The following DDX60 variants were observed in gnomAD, a reference collection of about 807,000 sequenced individuals.
DDX60 encodes DExD/H-box helicase 60.
DDX60 carries 165 observed loss-of-function variants against 212.8 expected under a neutral mutation model. That is an observed-to-expected ratio of 0.78 (90% CI 0.68 to 0.88). The LOEUF (loss-of-function observed/expected upper bound fraction) is 0.88. Ranked by LOEUF, DDX60 falls within the 40% of genes least tolerant of loss-of-function variation. The pLI is 0.00. For synonymous variants in DDX60, 703 were observed against 685.3 expected, an observed-to-expected ratio of 1.03 and a Z score of -0.40; for missense variants, 1,905 against 2,003.9, an observed-to-expected ratio of 0.95 and a Z score of 0.94.
At chr4:168,304,194 A>G (rs557814026) in intron 5 of DDX60, among the ~76,000 whole-genome samples, 2 of 152,304 alleles carry the variant, frequency 1.3e-5, no homozygotes, top group Non-Finnish European at 2.9e-5. Flanking sequence ...AGAAGAAGGC[A>G]TTGTTATCAT....
intron 28 of DDX60, among the ~76,000 whole-genome samples, chr4:168,250,191 A>G (rs1734165624): frequency 6.6e-6 from 1 of 152,182 alleles, no homozygotes; most frequent in Non-Finnish European, 1.5e-5. Context: ...GATATATTTC[A>G]TGGTAGAAAA....
At chr4:168,308,864 GAA>G (rs1209364209) in intron 3 of DDX60, among the ~76,000 whole-genome samples, 2 of 151,682 alleles carry the variant, frequency 1.3e-5, no homozygotes, top group Non-Finnish European at 2.9e-5. Context: ...CTACAAATAT[GAA>G]AAAAATTTTA....
In DDX60 at chr4:168,311,142, G is replaced by C. The variant is rs759734827; in HGVS notation, c.5-75C>G. On this transcript the variant is annotated intron_variant, in intron 2 of 37. Coordinates refer to ENST00000393743, the MANE Select transcript of DDX60 (RefSeq NM_017631.6). ...TCCTTTTTACAGGAGCTATCATTTA[G>C]TTATTATTCAAGAAAGTAAAACAGT... The C allele has an allele frequency of 7.7e-6, 11 of 1,423,998 alleles. No homozygotes were observed. The Middle Eastern group carries it at 7.3e-4, about 95-fold the overall frequency. 88.2% of individuals were successfully genotyped at this position (1,423,998 alleles called of 1,614,324 possible).
intron 8 of DDX60, among the ~76,000 whole-genome samples, chr4:168,291,498 T>A (rs757030995): frequency 5.9e-5 from 9 of 152,336 alleles, no homozygotes; most frequent in Non-Finnish European, 1.0e-4. Flanking sequence ...CACAAAAACC[T>A]GACCTTGGCA....
chr4:168,286,573 C>T (rs1388692511), intron 10 of DDX60, among the ~76,000 whole-genome samples: 1 of 152,032 alleles, frequency 6.6e-6, no homozygotes, highest in African/African-American at 2.4e-5. Flanking sequence ...TCCTAGTGCT[C>T]CCTGTGCCTG....
At chr4:168,239,231 A>T (rs1169412495) in intron 30 of DDX60, among the ~76,000 whole-genome samples, 2 of 152,160 alleles carry the variant, frequency 1.3e-5, no homozygotes, top group African/African-American at 2.4e-5. Flanking sequence ...ATATAAAAAC[A>T]TGATAGAGAT....
intron 33 of DDX60, among the ~76,000 whole-genome samples, chr4:168,228,962 T>C (rs1733352989): frequency 6.6e-6 from 1 of 152,096 alleles, no homozygotes; most frequent in Admixed American, 6.6e-5. Flanking sequence ...ATTAAAAATA[T>C]TGTTCCATTG....
At position 168,280,364 on chromosome 4, in the gene DDX60, G is replaced by T. The variant is rs759688796; in HGVS notation, c.1949C>A (p.Ala650Asp). 1.3e-5 allele frequency: 21 copies of T among 1,613,158 alleles called. No individual in the cohort carries two copies. Among genetic ancestry groups the T allele is most frequent in the Non-Finnish European group, 1.7e-5 (20 of 1,179,762 alleles). ...TTCACTTCGGCAATGTTCTTTCCAG[G>T]CTTTCAAGCAAGCAGTTAACCCCAC... is the stretch of plus-strand genomic sequence containing the variant. ...EMVGLTACLK[A>D]WKEHCRSEEG... The change falls in exon 14 of 38, where the codon GCC (alanine) becomes GAC (aspartate). Residue 650 changes from alanine (A) to aspartate (D), a missense_variant. Coordinates refer to ENST00000393743, the MANE Select transcript of DDX60 (RefSeq NM_017631.6).
At chr4:168,256,466 C>G (rs542909693) in intron 25 of DDX60, among the ~76,000 whole-genome samples, 1 of 152,212 alleles carries the variant, frequency 6.6e-6, no homozygotes, top group South Asian at 2.1e-4. Flanking sequence ...ATCCATACTT[C>G]CTGGCACCCT....
intron 8 of DDX60, 41 bp from the exon 9 acceptor site, chr4:168,288,356 T>C (rs781445551): frequency 5.2e-6 from 7 of 1,351,814 alleles, no homozygotes; most frequent in Non-Finnish European, 7.2e-6. Context: ...GCAATATTCA[T>C]ATTAGCAATA....
In DDX60 at chr4:168,251,121, A is replaced by G. The variant is rs1301421534; in HGVS notation, c.3706-15T>C. The G allele has an allele frequency of 6.3e-7, 1 of 1,591,142 alleles. No individual in the cohort carries two copies. The highest frequency in any genetic ancestry group is 1.4e-5 in the African/African-American group (1 of 73,616). On this transcript the variant is annotated splice_polypyrimidine_tract_variant and intron_variant, in intron 27 of 37. Coordinates refer to ENST00000393743, the MANE Select transcript of DDX60 (RefSeq NM_017631.6). ...TTCTGCAAAGTCTAAAAGAAGCAAG[A>G]CATTTAGGGATTATGATTTAATTTT...
intron 1 of DDX60, among the ~76,000 whole-genome samples, chr4:168,317,422 A>C (rs914300743): frequency 3.3e-5 from 5 of 152,110 alleles, no homozygotes; most frequent in African/African-American, 9.7e-5. Flanking sequence ...AGAAATGGAA[A>C]AGAGAAAAAA....
In DDX60 at chr4:168,272,142, C is replaced by G; in HGVS notation, c.2575-4G>C. 2 of 1,565,320 alleles carry G rather than the reference C, an allele frequency of 1.3e-6. No homozygotes were observed. The highest frequency in any genetic ancestry group is 2.3e-5 in the South Asian group (2 of 85,332). Reference sequence around the variant, plus strand: ...AGGCAGGCACTGTAATAAGTACCTACAAAGAATAATATTGTGTGAAGTAAC... The same window carrying G: ...AGGCAGGCACTGTAATAAGTACCTAGAAAGAATAATATTGTGTGAAGTAAC... On this transcript the variant is annotated splice_region_variant and splice_polypyrimidine_tract_variant and intron_variant, in intron 18 of 37. Transcript: ENST00000393743.
chr4:168,300,342 C>T (rs558881831), intron 6 of DDX60, among the ~76,000 whole-genome samples: 1 of 152,192 alleles, frequency 6.6e-6, no homozygotes, highest in South Asian at 2.1e-4. Flanking sequence ...TAGTTCAAGA[C>T]CAGCCTGGCC....
Position 168,270,172 on chromosome 4 carries a change from A to G in DDX60, c.2671-1203T>C, listed in dbSNP as rs538553612. On this transcript the variant is annotated intron_variant, in intron 19 of 37. Coordinates refer to ENST00000393743, the MANE Select transcript of DDX60 (RefSeq NM_017631.6). ...GAATATTCTATTCCTAGCCACTGAC[A>G]CAAAGCCTAGCACTGAGGAGGCACT... Among the ~76,000 whole-genome samples the G allele has an allele frequency of 3.9e-5, 6 of 152,374 alleles. 1 individual carries two copies. The South Asian group carries it at 1.2e-3, about 32-fold the overall frequency.
chr4:168,258,133 C>G (rs1734488201), intron 25 of DDX60, among the ~76,000 whole-genome samples: 1 of 48,952 alleles, frequency 2.0e-5, no homozygotes, highest in Non-Finnish European at 3.7e-5. Context: ...AAAAAGGGAT[C>G]ATCCTGGTAT....
intron 6 of DDX60, among the ~76,000 whole-genome samples, chr4:168,300,559 A>G (rs1329792372): frequency 6.6e-6 from 1 of 150,748 alleles, no homozygotes; most frequent in Non-Finnish European, 1.5e-5. Flanking sequence ...AGAAGCTACG[A>G]TCTATGTGTT....
In DDX60 at chr4:168,275,473, T is replaced by C; in HGVS notation, c.2176A>G (p.Arg726Gly). 6.2e-7 allele frequency: 1 copy of C among 1,608,264 alleles called. No individual in the cohort carries two copies. The highest frequency in any genetic ancestry group is 8.5e-7 in the Non-Finnish European group (1 of 1,177,480). The change falls in exon 16 of 38, where the codon AGG becomes GGG. Residue 726 changes from arginine to glycine, a missense_variant. Arg to Gly is a moderately radical substitution (Grantham distance 125). Coordinates refer to ENST00000393743, the MANE Select transcript of DDX60 (RefSeq NM_017631.6). ...CCAATGCCAACTGAATATTTATTCC[T>C]TTTCTTCACTTTTACATCATTTTCT... ...DAENDVKVKKRNKYSVGIGPA... is the reference protein window; with the variant it reads ...DAENDVKVKKGNKYSVGIGPA...
intron 33 of DDX60, 168 bp downstream of exon 33, chr4:168,236,084 G>A: frequency 3.8e-6 from 2 of 522,774 alleles, no homozygotes; most frequent in Middle Eastern, 5.1e-4. Context: ...TACAGAGGGA[G>A]ACATCAATTA....
Sources: allele counts gnomAD v4.1 joint callset (sites outside exome capture counted in the v4.1 genomes callset), GRCh38; gene constraint gnomAD v4.1.1; transcripts MANE v1.5; gene names NCBI Gene and HGNC (gene_info 2026-07-23, HGNC 2026-07-21).